The following RBFOX1 variants were observed in gnomAD, a reference collection of about 807,000 sequenced individuals.
RBFOX1 encodes the protein RNA binding protein fox-1 homolog 1.
In RBFOX1, 8 loss-of-function variants were observed where a neutral mutation model predicts 57.7. The ratio of observed to expected loss-of-function variants is 0.14; its 90% CI spans 0.08 to 0.25. The LOEUF is 0.25. Among genes scored for constraint, RBFOX1 ranks in the 10% least tolerant of loss-of-function variants. The pLI is 1.00. For synonymous variants in RBFOX1, 326 were observed against 222.4 expected (o/e 1.47, Z -4.15); for missense variants, 611 against 548.5 (o/e 1.11, Z -1.14).
intron 11 of RBFOX1, among the ~76,000 whole-genome samples, chr16:7,647,360 C>G (rs558587954): frequency 5.8e-4 from 88 of 152,254 alleles, no homozygotes; most frequent in African/African-American, 2.0e-3. Context: ...CCAGATTTTT[C>G]TCTTTGATTC....
chr16:6,627,283 C>T (rs373883423), intron 2 of RBFOX1, among the ~76,000 whole-genome samples: 2 of 152,158 alleles, frequency 1.3e-5, no homozygotes, highest in African/African-American at 4.8e-5. Context: ...TGAAACGTCC[C>T]TACTTAGGTG....
rs79243865 is a variant in RBFOX1, at chr16:6,642,596, C to A, written c.-63-12007C>A. Among the ~76,000 whole-genome samples the A allele has an allele frequency of 4.2e-3, 623 of 150,102 alleles. 3 individuals are homozygous for A. Among genetic ancestry groups the A allele is most frequent in the Middle Eastern group, 0.024 (7 of 290 alleles). ...CTCTTGTCCTCTCATAACCACACTC[C>A]AAAAAAAAAGTAAGGTGAAGAAAAC... On this transcript the variant is annotated intron_variant, in intron 2 of 15. Coordinates refer to ENST00000550418, the MANE Select transcript of RBFOX1 (RefSeq NM_018723.4).
chr16:7,643,657 T>G (rs1400000104), intron 11 of RBFOX1, among the ~76,000 whole-genome samples: 1 of 152,188 alleles, frequency 6.6e-6, no homozygotes, highest in Admixed American at 6.5e-5. Flanking sequence ...CCAATATTTT[T>G]GGGTTGAACA....
intron 3 of RBFOX1, among the ~76,000 whole-genome samples, chr16:5,813,982 C>T (rs1452723830): frequency 6.6e-6 from 1 of 152,208 alleles, no homozygotes; most frequent in Non-Finnish European, 1.5e-5. Context: ...ATTACTTTTG[C>T]ACCGACTTAA....
intron 2 of RBFOX1, among the ~76,000 whole-genome samples, chr16:6,485,137 C>G (rs2095447605): frequency 6.6e-6 from 1 of 152,140 alleles, no homozygotes; most frequent in Non-Finnish European, 1.5e-5. Context: ...GAATGCAAGT[C>G]AATCAGCAAC....
At chr16:5,270,790 A>C in intron 1 of RBFOX1, 3 of 458,188 alleles carry the variant, frequency 6.5e-6, no homozygotes, top group South Asian at 5.2e-5. Context: ...TATCCTCTCC[A>C]TGATGTCTTC....
chr16:7,623,468 C>T (rs534919507), intron 10 of RBFOX1, among the ~76,000 whole-genome samples: 1 of 152,264 alleles, frequency 6.6e-6, no homozygotes, highest in South Asian at 2.1e-4. Context: ...TCATAAGGAA[C>T]ACACAACCAA....
chr16:5,586,762 G>A (rs2046842775), intron 2 of RBFOX1, among the ~76,000 whole-genome samples: 1 of 152,180 alleles, frequency 6.6e-6, no homozygotes, highest in African/African-American at 2.4e-5. Context: ...TTTCTAAAGT[G>A]CTGGGATTAC....
intron 4 of RBFOX1, among the ~76,000 whole-genome samples, chr16:7,426,966 G>T (rs2098623695): frequency 6.6e-6 from 1 of 152,180 alleles, no homozygotes; most frequent in Admixed American, 6.5e-5. Flanking sequence ...CCTTTGTAGG[G>T]ACATGGATGA....
At chr16:6,044,683 C>T (rs189893369) in intron 1 of RBFOX1, among the ~76,000 whole-genome samples, 11 of 152,064 alleles carry the variant, frequency 7.2e-5, no homozygotes, top group South Asian at 4.2e-4. Flanking sequence ...TTTGATTGTG[C>T]GGAAACTATT....
At chr16:6,849,208 A>G (rs2093933244) in intron 3 of RBFOX1, among the ~76,000 whole-genome samples, 1 of 152,226 alleles carries the variant, frequency 6.6e-6, no homozygotes, top group Admixed American at 6.5e-5. Flanking sequence ...TCCACCTATC[A>G]GAGAGTGTGT....
intron 4 of RBFOX1, among the ~76,000 whole-genome samples, chr16:6,001,641 A>G (rs558752391): frequency 6.6e-6 from 1 of 152,360 alleles, no homozygotes; most frequent in South Asian, 2.1e-4. Context: ...TATTTGCTTA[A>G]ATACATGGTA....
intron 2 of RBFOX1, among the ~76,000 whole-genome samples, chr16:6,632,460 G>C (rs1356939504): frequency 6.6e-6 from 1 of 152,194 alleles, no homozygotes; most frequent in Non-Finnish European, 1.5e-5. Context: ...TATGAGGATA[G>C]TGTTACAGTA....
intron 1 of RBFOX1, among the ~76,000 whole-genome samples, chr16:6,229,807 C>T (rs1268908563): frequency 6.6e-6 from 1 of 151,682 alleles, no homozygotes; most frequent in African/African-American, 2.4e-5. Context: ...ATATAGAATA[C>T]ATATATCTTA....
intron 4 of RBFOX1, among the ~76,000 whole-genome samples, chr16:7,279,776 C>T (rs2095506084): frequency 6.6e-6 from 1 of 152,208 alleles, no homozygotes; most frequent in Non-Finnish European, 1.5e-5. Flanking sequence ...CTCATAGTTC[C>T]TCTTTCTCTT....
intron 3 of RBFOX1, among the ~76,000 whole-genome samples, chr16:6,808,981 AC>A (rs1285254085): frequency 6.6e-6 from 1 of 152,190 alleles, no homozygotes; most frequent in Non-Finnish European, 1.5e-5. Context: ...ATGAACTGTA[AC>A]CTAGCTTAAT....
At chr16:6,712,542 A>G (rs2063908179) in intron 3 of RBFOX1, among the ~76,000 whole-genome samples, 1 of 152,130 alleles carries the variant, frequency 6.6e-6, no homozygotes, top group African/African-American at 2.4e-5. Flanking sequence ...ACAGGGCATC[A>G]TCTTCTGAAA....
intron 10 of RBFOX1, chr16:7,614,383 A>G (rs1419760022): frequency 1.3e-5 from 2 of 152,004 alleles, no homozygotes. Flanking sequence ...ATTTTATTCC[A>G]GCCCTGCCCA....
chr16:6,474,969 A>ATT (rs1171260069), intron 2 of RBFOX1, among the ~76,000 whole-genome samples: 8 of 152,206 alleles, frequency 5.3e-5, no homozygotes, highest in Admixed American at 3.3e-4. Context: ...GACCTTGTAC[A>ATT]TTTTTTGTCC....
Sources: allele counts gnomAD v4.1 joint callset (sites outside exome capture counted in the v4.1 genomes callset), GRCh38; gene constraint gnomAD v4.1.1; transcripts MANE v1.5; gene names NCBI Gene and HGNC (gene_info 2026-07-23, HGNC 2026-07-21).